SUMF1: variants seen among roughly 807,000 people sequenced by gnomAD.
The protein encoded by SUMF1 is formylglycine-generating enzyme.
Under a neutral mutation model 47.6 loss-of-function variants are expected in SUMF1, and 48 were observed. The ratio of observed to expected loss-of-function variants is 1.01; its 90% CI spans 0.80 to 1.28. SUMF1 has a LOEUF of 1.28. SUMF1 is among the 50% of genes most tolerant of loss of function. The pLI is 0.00. For synonymous variants in SUMF1, 230 were observed against 192.1 expected (o/e 1.20, Z -1.63); for missense variants, 571 against 485.4 (o/e 1.18, Z -1.66).
At chr3:4,430,279 G>A (rs1702192493) in intron 3 of SUMF1, among the ~76,000 whole-genome samples, 1 of 152,124 alleles carries the variant, frequency 6.6e-6, no homozygotes, top group African/African-American at 2.4e-5. Flanking sequence ...TTTAATTGCA[G>A]GACTTCTGAG....
intron 1 of SUMF1, among the ~76,000 whole-genome samples, chr3:4,455,816 C>T (rs1364051479): frequency 1.3e-5 from 2 of 152,084 alleles, no homozygotes; most frequent in Non-Finnish European, 2.9e-5. Flanking sequence ...AATACCAATC[C>T]TTCTCAAATT....
rs985089313 is a variant in SUMF1 at position 4,242,700 on chromosome 3, T to A, written c.1014+133630A>T. On this transcript the variant is annotated intron_variant and NMD_transcript_variant, in intron 8 of 12. Coordinates refer to the SUMF1 transcript ENST00000448413. ...CAGTATTTTATTGAGGACTTTTGCA[T>A]CGATGTTCATCAGGGATATTGGCCT... Among the ~76,000 whole-genome samples the A allele has an allele frequency of 2.6e-5, 4 of 152,200 alleles. No homozygotes were observed. The South Asian group carries it at 8.3e-4, about 32-fold the overall frequency.
chr3:4,426,752 G>T (rs902575858), intron 3 of SUMF1, among the ~76,000 whole-genome samples: 1 of 152,008 alleles, frequency 6.6e-6, no homozygotes, highest in Non-Finnish European at 1.5e-5. Context: ...AATTTTTTTT[G>T]GATGTGGTTG....
At chr3:4,042,815 C>T (rs1031558252) in intron 9 of SUMF1, among the ~76,000 whole-genome samples, 7 of 151,906 alleles carry the variant, frequency 4.6e-5, no homozygotes, top group African/African-American at 9.7e-5. Flanking sequence ...TGATGGGTTG[C>T]GGGGGAGAAA....
intron 8 of SUMF1, among the ~76,000 whole-genome samples, chr3:4,365,826 A>G (rs886208280): frequency 6.6e-6 from 1 of 151,642 alleles, no homozygotes; most frequent in African/African-American, 2.4e-5. Flanking sequence ...GGTCTTTACA[A>G]TTTGGCATGA....
intron 8 of SUMF1, among the ~76,000 whole-genome samples, chr3:4,254,066 G>A (rs1696882650): frequency 1.3e-5 from 2 of 151,330 alleles, no homozygotes; most frequent in African/African-American, 4.9e-5. Flanking sequence ...TCTGTTAGAA[G>A]GAAAACTAAC....
At chr3:4,460,161 G>T (rs2079771642) in intron 1 of SUMF1, among the ~76,000 whole-genome samples, 1 of 152,192 alleles carries the variant, frequency 6.6e-6, no homozygotes, top group African/African-American at 2.4e-5. Flanking sequence ...GTGAAAGTAG[G>T]TTGAGGGATA....
intron 7 of SUMF1, among the ~76,000 whole-genome samples, chr3:4,380,337 C>T (rs1305845081): frequency 6.6e-6 from 1 of 152,122 alleles, no homozygotes; most frequent in African/African-American, 2.4e-5. Flanking sequence ...AACCAAATAC[C>T]GCATGTTCTC....
chr3:4,074,470 G>T (rs1408155026), intron 8 of SUMF1, among the ~76,000 whole-genome samples: 1 of 151,748 alleles, frequency 6.6e-6, no homozygotes, highest in Non-Finnish European at 1.5e-5. Context: ...GCTAGCAGAA[G>T]GCAAGAAATA....
chr3:4,275,351 G>C (rs1559641914), intron 8 of SUMF1, among the ~76,000 whole-genome samples: 1 of 152,064 alleles, frequency 6.6e-6, no homozygotes, highest in Non-Finnish European at 1.5e-5. Flanking sequence ...TGTGATATGG[G>C]TTCTCTCCTC....
intron 8 of SUMF1, among the ~76,000 whole-genome samples, chr3:4,183,428 T>C (rs925651919): frequency 2.0e-5 from 3 of 152,334 alleles, no homozygotes; most frequent in South Asian, 2.1e-4. Context: ...CATTTTCTTA[T>C]TATATAATTA....
intron 8 of SUMF1, among the ~76,000 whole-genome samples, chr3:4,136,764 C>T (rs1371981404): frequency 6.7e-6 from 1 of 150,122 alleles, no homozygotes; most frequent in East Asian, 2.0e-4. Flanking sequence ...TGAACTCAAA[C>T]AAATTTACAA....
At chr3:4,087,674 T>G (rs1426986743) in intron 8 of SUMF1, among the ~76,000 whole-genome samples, 1 of 151,800 alleles carries the variant, frequency 6.6e-6, no homozygotes, top group Non-Finnish European at 1.5e-5. Context: ...CAGCCCCCAA[T>G]AGCAATCAAA....
downstream of SUMF1, among the ~76,000 whole-genome samples, chr3:4,360,205 C>CTTTTTTTTTTTTTTTTTTTTTTTTT (rs57690047): frequency 9.6e-6 from 1 of 104,140 alleles, no homozygotes; most frequent in Non-Finnish European, 2.0e-5. Flanking sequence ...AATGTTTGTT[C>CTTTTTTTTTTTTTTTTTTTTTTTTT]TTTTTTTTTT....
chr3:4,249,457 A>G (rs1387215058), intron 8 of SUMF1, among the ~76,000 whole-genome samples: 1 of 151,970 alleles, frequency 6.6e-6, no homozygotes, highest in Non-Finnish European at 1.5e-5. Flanking sequence ...TTATTATTTT[A>G]TCTGTCATGG....
At chr3:4,345,743 T>C (rs1271828427) in intron 8 of SUMF1, among the ~76,000 whole-genome samples, 1 of 151,946 alleles carries the variant, frequency 6.6e-6, no homozygotes, top group East Asian at 1.9e-4. Flanking sequence ...GGCTGGCAAA[T>C]TGGATAAGGA....
At chr3:4,204,726 T>C (rs1005986877) in intron 8 of SUMF1, among the ~76,000 whole-genome samples, 2 of 152,122 alleles carry the variant, frequency 1.3e-5, no homozygotes, top group Non-Finnish European at 2.9e-5. Flanking sequence ...GTCTTCAAGC[T>C]CATTAATTCT....
Position 4,223,381 on chromosome 3 carries a change from T to C in SUMF1, c.1014+152949A>G, listed in dbSNP as rs528996259. ...CCTCAGCAGTGGAGGATGGAGATAA[T>C]GGTATTACATAGCTCACAGAGTTAC... On this transcript the variant is annotated intron_variant and NMD_transcript_variant, in intron 8 of 12. Transcript: ENST00000448413. Among the ~76,000 whole-genome samples the C allele has an allele frequency of 3.4e-4, 51 of 152,130 alleles. 1 individual carries two copies. Among genetic ancestry groups the C allele is most frequent in the Admixed American group, 6.6e-4 (10 of 15,266 alleles).
intron 8 of SUMF1, among the ~76,000 whole-genome samples, chr3:4,371,952 C>T (rs1233093057): frequency 2.0e-5 from 3 of 152,184 alleles, no homozygotes; most frequent in Admixed American, 2.0e-4. Flanking sequence ...GCCCCCATCT[C>T]CTTATTGAAG....
Sources: gnomAD v4.1 joint callset for allele counts (sites outside exome capture counted in the v4.1 genomes callset) on GRCh38, gnomAD v4.1.1 for gene constraint, MANE v1.5 for transcripts, NCBI Gene and HGNC (gene_info 2026-07-23, HGNC 2026-07-21) for gene names.